Variants in CACNA2D4 observed in about 807,000 individuals in gnomAD.
CACNA2D4 encodes the protein voltage-dependent calcium channel subunit alpha-2/delta-4.
A neutral mutation model predicts 163.8 loss-of-function variants in CACNA2D4; 157 were observed. That is an observed-to-expected ratio of 0.96 (90% CI 0.84 to 1.09). CACNA2D4 has a LOEUF of 1.09. Ranked by LOEUF, CACNA2D4 falls within the 50% of genes least tolerant of loss-of-function variation. The probability of loss-of-function intolerance (pLI) is 0.00; values close to 1 mark genes in which losing one functional copy is unlikely to be tolerated. For missense variants in CACNA2D4, 1,410 were observed against 1,479.9 expected (o/e 0.95, Z 0.78); for synonymous variants, 598 against 586.9 (o/e 1.02, Z -0.27).
chr12:1,845,024 G>A (rs536542416), intron 24 of CACNA2D4, among the ~76,000 whole-genome samples: 16 of 151,534 alleles, frequency 1.1e-4, no homozygotes, highest in African/African-American at 2.9e-4. Context: ...CTGAACACAC[G>A]GCAGCCCACA....
chr12:1,816,276 C>G lies in CACNA2D4; in HGVS notation c.2552-4553G>C, dbSNP rs1032969971. Among the ~76,000 whole-genome samples, 3 of 152,278 alleles carry G rather than the reference C, an allele frequency of 2.0e-5. No individual in the cohort carries two copies. The South Asian group carries it at 6.2e-4, about 32-fold the overall frequency. ...TGAAGAGAAATTCAGGCAAAGGGCCCGAGGGAATGCAAAGCACTCGGCTTT... is the reference window on the plus strand; with the variant it reads ...TGAAGAGAAATTCAGGCAAAGGGCCGGAGGGAATGCAAAGCACTCGGCTTT... On this transcript the variant is annotated intron_variant, in intron 26 of 37. Coordinates refer to ENST00000382722, the MANE Select transcript of CACNA2D4 (RefSeq NM_172364.5).
rs1414441590 is a variant in CACNA2D4, at chr12:1,869,751, AG to A, written c.1878+4852del. 6.6e-6 allele frequency among the ~76,000 whole-genome samples: 1 copy of A among 152,192 alleles called. No individual in the cohort carries two copies. The highest frequency in any genetic ancestry group is 1.5e-5 in the Non-Finnish European group (1 of 68,038). On this transcript the variant is annotated intron_variant, in intron 18 of 37. Coordinates refer to ENST00000382722, the MANE Select transcript of CACNA2D4 (RefSeq NM_172364.5). The surrounding 1 kb of genome is among the most constrained non-coding windows in gnomAD (Gnocchi z 4.7). Reference sequence around the variant, plus strand: ...TAAAATCCTACATTCTATCACTCCCAGGGGCTCTGTTCTTTGACCAAGCCCT... The same window carrying A: ...TAAAATCCTACATTCTATCACTCCCAGGGCTCTGTTCTTTGACCAAGCCCT...
chr12:1,809,121 G>A (rs776749955), intron 29 of CACNA2D4, among the ~76,000 whole-genome samples: 1 of 152,216 alleles, frequency 6.6e-6, no homozygotes, highest in Non-Finnish European at 1.5e-5. Context: ...TGACCCACTG[G>A]TGCCCCTTTG....
chr12:1,845,411 G>A (rs563504278), intron 24 of CACNA2D4, among the ~76,000 whole-genome samples: 1 of 152,052 alleles, frequency 6.6e-6, no homozygotes, highest in East Asian at 1.9e-4. Flanking sequence ...GAGGGAGGAG[G>A]GAGGGAAAGG....
chr12:1,827,133 C>A (rs1864368808), intron 26 of CACNA2D4, among the ~76,000 whole-genome samples: 1 of 151,620 alleles, frequency 6.6e-6, no homozygotes, highest in South Asian at 2.1e-4. Context: ...TCCCTCCCTG[C>A]CCATCCCCGC....
Position 1,879,858 on chromosome 12 carries a change from G to C in CACNA2D4, c.1509C>G (p.Ser503Arg), listed in dbSNP as rs199888783. Residue 503 changes from serine to arginine, a missense_variant, in exon 14 of 38, where the codon AGC becomes AGG. Coordinates refer to ENST00000382722, the MANE Select transcript of CACNA2D4 (RefSeq NM_172364.5). ...TGGCCACAGTGGTGAGCAGTGTCAG[G>C]CTCTGAGCCTGCGAGCTGAGGAGCT... ...DSKLLSSQAQ[S>R]LTLLTTVAMP... 5 of 1,601,254 alleles carry C rather than the reference G, an allele frequency of 3.1e-6. No individual in the cohort carries two copies. The highest frequency in any genetic ancestry group is 1.1e-5 in the South Asian group (1 of 88,210).
Position 1,918,244 on chromosome 12 carries a change from T to C in CACNA2D4, c.227+3A>G. 6.3e-7 allele frequency: 1 copy of C among 1,598,328 alleles called. No homozygotes were observed. The highest frequency in any genetic ancestry group is 8.5e-7 in the Non-Finnish European group (1 of 1,172,058). The stretch of plus-strand genomic sequence containing the variant: ...TTGGGGTGGGGTTGAACGTGATGCT[T>C]ACGTTTCCAGAGGAATCTTGGCCTG... On this transcript the variant is annotated splice_donor_region_variant and intron_variant, in intron 1 of 37. Coordinates refer to ENST00000382722, the MANE Select transcript of CACNA2D4 (RefSeq NM_172364.5).
chr12:1,792,179 ATG>A lies in CACNA2D4; in HGVS notation c.*1474_*1475del, dbSNP rs1429449530. 6.6e-6 allele frequency: 1 copy of A among 152,226 alleles called. No individual in the cohort carries two copies. Among genetic ancestry groups the A allele is most frequent in the Non-Finnish European group, 1.5e-5 (1 of 68,042 alleles). The allele number at this position is 152,226 out of a possible 1,614,324, so 9.4% of individuals were successfully genotyped here. A position where few individuals can be genotyped will look rare whatever the true frequency, so the allele number is the denominator to read the frequency against. ...TGAGCTGAAACATGTTATTTGGTAC[ATG>A]TAAACCTTAGCTGTTCTAGCATTAT... On this transcript the variant is annotated 3_prime_UTR_variant, in exon 38 of 38. Coordinates refer to ENST00000382722, the MANE Select transcript of CACNA2D4 (RefSeq NM_172364.5).
Position 1,917,316 on chromosome 12 carries a change from G to C in CACNA2D4, c.227+931C>G, listed in dbSNP as rs949785368. Among the ~76,000 whole-genome samples the C allele has an allele frequency of 6.6e-6, 1 of 152,194 alleles. No individual in the cohort carries two copies. The highest frequency in any genetic ancestry group is 1.5e-5 in the Non-Finnish European group (1 of 68,026). Reference sequence around the variant, plus strand: ...AGGCAGGGAACAAGGAGAGCTATGCGGCTCGATGGGAAACGATGCTGCCTA... The same window carrying C: ...AGGCAGGGAACAAGGAGAGCTATGCCGCTCGATGGGAAACGATGCTGCCTA... On this transcript the variant is annotated intron_variant, in intron 1 of 37. Transcript: ENST00000382722. This position sits in a 1 kb window ranked among gnomAD's most constrained non-coding sequence, Gnocchi z 4.3.
At chr12:1,795,510 C>T (rs1863090752) in intron 36 of CACNA2D4, 129 bp from the exon 37 acceptor site, 1 of 985,604 alleles carries the variant, frequency 1.0e-6, no homozygotes. Context: ...CAGGAGGCAG[C>T]ACCGGGGCCC....
intron 26 of CACNA2D4, 61 bp downstream of exon 26, chr12:1,840,678 T>C: frequency 7.1e-7 from 1 of 1,399,358 alleles, no homozygotes; most frequent in Non-Finnish European, 1.0e-6. Context: ...CTGTGATCTA[T>C]GCCTTGCTCT....
At chr12:1,810,719 T>C (rs543857087) in intron 27 of CACNA2D4, 132 bp from the exon 28 acceptor site, 1 of 891,734 alleles carries the variant, frequency 1.1e-6, no homozygotes. Context: ...TATCTGCACA[T>C]GGAGGGCACC....
intron 6 of CACNA2D4, among the ~76,000 whole-genome samples, chr12:1,890,309 CT>C (rs1419578475): frequency 6.6e-6 from 1 of 152,210 alleles, no homozygotes; most frequent in Admixed American, 6.5e-5. Context: ...AGACTGCGTC[CT>C]GCCTGGGGGC....
chr12:1,821,056 TG>T (rs1425017566), intron 26 of CACNA2D4, among the ~76,000 whole-genome samples: 3 of 152,098 alleles, frequency 2.0e-5, no homozygotes, highest in Non-Finnish European at 4.4e-5. Context: ...TGGATTCTGC[TG>T]GGAAGTGGGG....
intron 30 of CACNA2D4, 110 bp downstream of exon 30, chr12:1,801,464 A>T (rs1248822761): frequency 2.2e-6 from 2 of 915,788 alleles, no homozygotes; most frequent in Non-Finnish European, 3.5e-6. Context: ...CTTTGGGGGC[A>T]CCCACTGTGG....
chr12:1,796,915 C>T (rs2154445059), intron 35 of CACNA2D4, among the ~76,000 whole-genome samples: 2 of 152,342 alleles, frequency 1.3e-5, no homozygotes, highest in Middle Eastern at 3.4e-3. Context: ...CAGCAGGAAG[C>T]CTGACAGAGG....
chr12:1,858,502 T>G (rs1592715315), intron 20 of CACNA2D4, 75 bp downstream of exon 20: 1 of 1,336,604 alleles, frequency 7.5e-7, no homozygotes, highest in Non-Finnish European at 1.1e-6. Flanking sequence ...CTGGTTGGGG[T>G]TGGCCCTGCC....
Position 1,907,404 on chromosome 12 carries a change from C to T in CACNA2D4, c.781+36G>A, listed in dbSNP as rs770497991. The T allele has an allele frequency of 3.1e-6, 5 of 1,597,926 alleles. No homozygotes were observed. The South Asian group carries it at 4.4e-5, about 14-fold the overall frequency. On this transcript the variant is annotated intron_variant, in intron 6 of 37. Transcript: ENST00000382722. ...CCCCTATTATTTCCAGAGAAGAATC[C>T]CAGAAGGTCGGGGAGATGCAACTCC...
intron 37 of CACNA2D4, 55 bp downstream of exon 37, chr12:1,795,244 A>G (rs1286864260): frequency 6.6e-7 from 1 of 1,523,018 alleles, no homozygotes; most frequent in Non-Finnish European, 9.0e-7. Flanking sequence ...AGACCCAGGC[A>G]CAGAGGGTTT....
Sources: gnomAD v4.1 joint callset for allele counts (sites outside exome capture counted in the v4.1 genomes callset) on GRCh38, gnomAD v4.1.1 for gene constraint, Gnocchi (gnomAD v3.1) non-coding constraint, MANE v1.5 for transcripts, NCBI Gene and HGNC (gene_info 2026-07-23, HGNC 2026-07-21) for gene names.